ERC2: variants seen among roughly 807,000 people sequenced by gnomAD.
ERC2 encodes the protein ELKS/RAB6-interacting/CAST family member 2.
Under a neutral mutation model 114.8 loss-of-function variants are expected in ERC2, and 42 were observed. The ratio of observed to expected loss-of-function variants is 0.37; its 90% CI spans 0.29 to 0.47. The LOEUF (loss-of-function observed/expected upper bound fraction) is 0.47. ERC2 is among the 20% of genes least tolerant of loss of function. The probability of loss-of-function intolerance (pLI) is 0.99; values close to 1 mark genes in which losing one functional copy is unlikely to be tolerated. For missense variants in ERC2, 939 were observed against 1,150.7 expected, an observed-to-expected ratio of 0.82 and a Z score of 2.66; for synonymous variants, 454 against 425.5, an observed-to-expected ratio of 1.07 and a Z score of -0.82.
chr3:56,141,627 C>G (rs936697430), intron 5 of ERC2, among the ~76,000 whole-genome samples: 3 of 152,208 alleles, frequency 2.0e-5, no homozygotes, highest in Non-Finnish European at 2.9e-5. Context: ...ATTATTACAA[C>G]TATACCAAAA....
At chr3:56,005,285 T>C (rs1009207901) in intron 10 of ERC2, among the ~76,000 whole-genome samples, 1 of 152,000 alleles carries the variant, frequency 6.6e-6, no homozygotes, top group Non-Finnish European at 1.5e-5. Context: ...AGTGACGTGG[T>C]AGAATGTTAA....
At chr3:56,176,393 A>G (rs562158073) in intron 3 of ERC2, among the ~76,000 whole-genome samples, 1 of 152,332 alleles carries the variant, frequency 6.6e-6, no homozygotes, top group East Asian at 1.9e-4. Context: ...ACACGAAAAC[A>G]TTGTCAAGGG....
intron 6 of ERC2, among the ~76,000 whole-genome samples, chr3:56,085,373 C>A (rs868411067): frequency 1.6e-4 from 25 of 152,142 alleles, no homozygotes; most frequent in African/African-American, 4.8e-4. Context: ...GCCCTAATGG[C>A]CCTGACTGCA....
intron 14 of ERC2, among the ~76,000 whole-genome samples, chr3:55,876,347 C>T (rs1202554259): frequency 6.6e-6 from 1 of 151,986 alleles, no homozygotes; most frequent in Non-Finnish European, 1.5e-5. Context: ...ACCTGCCCTT[C>T]ATGGTTGAGG....
intron 3 of ERC2, among the ~76,000 whole-genome samples, chr3:56,256,886 C>G (rs2052553731): frequency 6.6e-6 from 1 of 152,086 alleles, no homozygotes; most frequent in Non-Finnish European, 1.5e-5. Flanking sequence ...CTGAGGCCTC[C>G]CCAGCCATGC....
intron 2 of ERC2, among the ~76,000 whole-genome samples, chr3:56,315,257 T>A (rs1259912124): frequency 1.3e-5 from 2 of 152,024 alleles, no homozygotes; most frequent in African/African-American, 4.8e-5. Context: ...TTTAGAGAAA[T>A]TTTTTTTCCT....
At chr3:55,874,956 C>A (rs746094660) in intron 14 of ERC2, among the ~76,000 whole-genome samples, 1 of 152,132 alleles carries the variant, frequency 6.6e-6, no homozygotes, top group Non-Finnish European at 1.5e-5. Context: ...GGAGAAAATC[C>A]TCTAGATTTT....
chr3:55,865,826 G>A (rs1204883744), intron 14 of ERC2, among the ~76,000 whole-genome samples: 1 of 152,034 alleles, frequency 6.6e-6, no homozygotes, highest in African/African-American at 2.4e-5. Context: ...TTGTATGGAT[G>A]TACCATCTTT....
chr3:56,400,254 G>A (rs1476382887), intron 2 of ERC2, among the ~76,000 whole-genome samples: 2 of 152,100 alleles, frequency 1.3e-5, no homozygotes, highest in African/African-American at 4.8e-5. Context: ...CTGGTAGTTG[G>A]GGTTTGGATG....
intron 1 of ERC2, among the ~76,000 whole-genome samples, chr3:56,460,903 G>A (rs547993822): frequency 4.0e-5 from 6 of 150,804 alleles, no homozygotes; most frequent in South Asian, 2.1e-4. Context: ...GGCGGATCAC[G>A]GGGTCACGAG....
chr3:55,656,360 G>A (rs2060866514), intron 17 of ERC2, among the ~76,000 whole-genome samples: 1 of 152,034 alleles, frequency 6.6e-6, no homozygotes, highest in Admixed American at 6.6e-5. Context: ...GTCTCACTAT[G>A]TTGCCCAGGC....
intron 14 of ERC2, among the ~76,000 whole-genome samples, chr3:55,866,453 A>G (rs1321578329): frequency 1.3e-5 from 2 of 152,170 alleles, no homozygotes; most frequent in African/African-American, 4.8e-5. Flanking sequence ...TGTAGCACAA[A>G]AGTTTTTAAT....
intron 17 of ERC2, among the ~76,000 whole-genome samples, chr3:55,544,947 CTAAAGGTGTCTACTTCTG>C (rs749028715): frequency 6.6e-6 from 1 of 152,200 alleles, no homozygotes; most frequent in Non-Finnish European, 1.5e-5. Context: ...CATATCTTTG[CTAAAGGTGTCTACTTCTG>C]TGGTTATCAT....
intron 7 of ERC2, among the ~76,000 whole-genome samples, chr3:56,040,606 TATATA>T (rs2075102252): frequency 2.7e-5 from 1 of 37,566 alleles, no homozygotes; most frequent in Non-Finnish European, 5.7e-5. Context: ...TATATATGTA[TATATA>T]ATATATAGAT....
chr3:56,288,771 T>C (rs938383092), intron 3 of ERC2, among the ~76,000 whole-genome samples: 3 of 152,128 alleles, frequency 2.0e-5, no homozygotes, highest in African/African-American at 7.2e-5. Flanking sequence ...TGGAACTCAG[T>C]GAAAACAAAG....
chr3:56,012,654 C>T (rs2073034897), intron 8 of ERC2, among the ~76,000 whole-genome samples: 1 of 152,156 alleles, frequency 6.6e-6, no homozygotes, highest in Admixed American at 6.5e-5. Flanking sequence ...GCTCTAAGCA[C>T]TCGTACTATT....
chr3:55,908,888 G>A (rs1430610121), intron 13 of ERC2, among the ~76,000 whole-genome samples: 2 of 152,198 alleles, frequency 1.3e-5, no homozygotes, highest in South Asian at 2.1e-4. Flanking sequence ...GCTAACTTAA[G>A]TAATGCAGAG....
At chr3:55,735,368 T>C (rs1391696379) in intron 14 of ERC2, among the ~76,000 whole-genome samples, 1 of 152,210 alleles carries the variant, frequency 6.6e-6, no homozygotes, top group Non-Finnish European at 1.5e-5. Flanking sequence ...TTTAAGGGCA[T>C]GGTGGTAGCT....
chr3:55,562,539 C>T (rs2056095075), intron 17 of ERC2, among the ~76,000 whole-genome samples: 1 of 152,108 alleles, frequency 6.6e-6, no homozygotes, highest in African/African-American at 2.4e-5. Context: ...GAAGTAAATA[C>T]AGTTTAATTG....
Sources: gnomAD v4.1 joint callset for allele counts (sites outside exome capture counted in the v4.1 genomes callset) on GRCh38, gnomAD v4.1.1 for gene constraint, MANE v1.5 for transcripts, NCBI Gene and HGNC (gene_info 2026-07-23, HGNC 2026-07-21) for gene names.